Variants in VWC2L observed in about 807,000 individuals in gnomAD.
The protein encoded by VWC2L is von Willebrand factor C domain containing 2 like, also known as von Willebrand factor C domain-containing protein 2-like.
A neutral mutation model predicts 21.6 loss-of-function variants in VWC2L; 10 were observed. The ratio of observed to expected loss-of-function variants is 0.46; its 90% confidence interval spans 0.29 to 0.78. VWC2L has a LOEUF of 0.78. Ranked by LOEUF, VWC2L falls within the 30% of genes least tolerant of loss-of-function variation. The pLI is 0.10. For missense variants in VWC2L, 209 were observed against 277.1 expected (o/e 0.75, Z 1.74); for synonymous variants, 96 against 94.3 (o/e 1.02, Z -0.10).
At chr2:214,515,986 A>T (rs1218071718) in intron 3 of VWC2L, among the ~76,000 whole-genome samples, 1 of 152,160 alleles carries the variant, frequency 6.6e-6, no homozygotes, top group Non-Finnish European at 1.5e-5. Flanking sequence ...TGACACCTCT[A>T]AGAATGAATG....
At position 214,461,742 on chromosome 2, in the gene VWC2L, G is replaced by A. The variant is rs1703144470; in HGVS notation, c.520+24984G>A. Among the ~76,000 whole-genome samples, 3 of 152,292 alleles carry A rather than the reference G, an allele frequency of 2.0e-5. No individual in the cohort carries two copies. The South Asian group carries it at 6.2e-4, about 32-fold the overall frequency. On this transcript the variant is annotated intron_variant, in intron 3 of 3. Transcript: ENST00000312504. ...AGCAGGTTATGATAGGCAGGATGGG[G>A]CAATCCCCAGGTTCCCTAACAGCAT... is the stretch of plus-strand genomic sequence containing the variant.
chr2:214,535,797 AACACACACACAC>A (rs10581608), intron 3 of VWC2L, among the ~76,000 whole-genome samples: 1 of 149,988 alleles, frequency 6.7e-6, no homozygotes, highest in Non-Finnish European at 1.5e-5. Context: ...GGAAAAATGA[AACACACACACAC>A]ACACACACAC....
chr2:214,515,107 G>A (rs966900128), intron 3 of VWC2L, among the ~76,000 whole-genome samples: 1 of 152,130 alleles, frequency 6.6e-6, no homozygotes, highest in Non-Finnish European at 1.5e-5. Flanking sequence ...GCAAAAGATG[G>A]GAAAGCCATA....
chr2:214,428,685 G>T (rs1280067723), intron 2 of VWC2L, among the ~76,000 whole-genome samples: 1 of 152,040 alleles, frequency 6.6e-6, no homozygotes, highest in African/African-American at 2.4e-5. Context: ...AATACCAGCA[G>T]TGATAAAGCA....
At chr2:214,459,705 T>C (rs1224343539) in intron 3 of VWC2L, among the ~76,000 whole-genome samples, 1 of 152,174 alleles carries the variant, frequency 6.6e-6, no homozygotes, top group East Asian at 1.9e-4. Flanking sequence ...CTGGTCTTCC[T>C]TCATTTATGA....
intron 3 of VWC2L, among the ~76,000 whole-genome samples, chr2:214,554,345 AAAACT>A: frequency 6.6e-6 from 1 of 152,308 alleles, no homozygotes; most frequent in African/African-American, 2.4e-5. Context: ...GTAAGCCTGA[AAAACT>A]AGTTCAGGCC....
intron 3 of VWC2L, among the ~76,000 whole-genome samples, chr2:214,451,136 T>C (rs553151391): frequency 6.6e-6 from 1 of 152,172 alleles, no homozygotes; most frequent in African/African-American, 2.4e-5. Context: ...CTGAACCCAT[T>C]CTAGATTTTT....
chr2:214,452,591 T>C (rs1397546765), intron 3 of VWC2L, among the ~76,000 whole-genome samples: 2 of 151,954 alleles, frequency 1.3e-5, no homozygotes, highest in Admixed American at 6.5e-5. Flanking sequence ...ATGGATACTT[T>C]CTTTTTTGAA....
intron 3 of VWC2L, among the ~76,000 whole-genome samples, chr2:214,450,275 G>C (rs1380168728): frequency 6.6e-6 from 1 of 152,164 alleles, no homozygotes; most frequent in Non-Finnish European, 1.5e-5. Flanking sequence ...CTTACAGTAA[G>C]TGCAAGAGTC....
intron 3 of VWC2L, among the ~76,000 whole-genome samples, chr2:214,452,703 A>G (rs1433760822): frequency 6.6e-6 from 1 of 151,952 alleles, no homozygotes; most frequent in African/African-American, 2.4e-5. Context: ...AAATTCCCAT[A>G]AAAAATGGGA....
chr2:214,425,637 G>T (rs915302587), intron 2 of VWC2L, among the ~76,000 whole-genome samples: 9 of 151,942 alleles, frequency 5.9e-5, no homozygotes, highest in African/African-American at 2.2e-4. Flanking sequence ...CATTATTTCT[G>T]CTTACTTAGG....
At chr2:214,557,544 T>C (rs905908210) in intron 3 of VWC2L, among the ~76,000 whole-genome samples, 1 of 152,118 alleles carries the variant, frequency 6.6e-6, no homozygotes, top group East Asian at 1.9e-4. Context: ...CTACAAATTA[T>C]AGTAGTCTTC....
intron 3 of VWC2L, among the ~76,000 whole-genome samples, chr2:214,488,971 C>G (rs1302915679): frequency 1.3e-5 from 2 of 152,206 alleles, no homozygotes; most frequent in African/African-American, 4.8e-5. Flanking sequence ...CCATTAGGTT[C>G]TACCTTTAAC....
intron 3 of VWC2L, among the ~76,000 whole-genome samples, chr2:214,564,038 A>G (rs1450979029): frequency 6.6e-6 from 1 of 152,170 alleles, no homozygotes; most frequent in Non-Finnish European, 1.5e-5. Flanking sequence ...ACAAGCAGAG[A>G]GCCAAATCAT....
intron 3 of VWC2L, among the ~76,000 whole-genome samples, chr2:214,458,420 TC>T (rs1390191333): frequency 1.3e-5 from 2 of 152,108 alleles, no homozygotes; most frequent in Admixed American, 1.3e-4. Flanking sequence ...TTTTTTAGCT[TC>T]TAATTTGTTT....
chr2:214,516,940 A>G (rs1689153523), intron 3 of VWC2L, among the ~76,000 whole-genome samples: 1 of 152,122 alleles, frequency 6.6e-6, no homozygotes, highest in Non-Finnish European at 1.5e-5. Flanking sequence ...AGTACACTAA[A>G]CCCTATCTTC....
chr2:214,513,225 C>T (rs1277792962), intron 3 of VWC2L, among the ~76,000 whole-genome samples: 1 of 152,130 alleles, frequency 6.6e-6, no homozygotes, highest in Non-Finnish European at 1.5e-5. Context: ...AATGTCTCCT[C>T]AATCATTTCA....
chr2:214,465,791 C>A (rs1297926380), intron 3 of VWC2L, among the ~76,000 whole-genome samples: 1 of 152,116 alleles, frequency 6.6e-6, no homozygotes, highest in African/African-American at 2.4e-5. Context: ...AACTCAGGTT[C>A]CTACTGTCGA....
At chr2:214,481,419 G>A (rs1239621432) in intron 3 of VWC2L, among the ~76,000 whole-genome samples, 3 of 152,162 alleles carry the variant, frequency 2.0e-5, no homozygotes, top group Non-Finnish European at 2.9e-5. Flanking sequence ...TCTCAGACTC[G>A]TGAATGAGGC....
Sources: allele counts gnomAD v4.1 joint callset (sites outside exome capture counted in the v4.1 genomes callset), GRCh38; gene constraint gnomAD v4.1.1; transcripts MANE v1.5; gene names NCBI Gene and HGNC (gene_info 2026-07-23, HGNC 2026-07-21).